Variants in HERC4 observed in about 807,000 individuals in gnomAD.
HERC4 encodes the protein HECT and RLD domain containing E3 ubiquitin protein ligase 4.
HERC4 carries 28 observed loss-of-function variants against 124.3 expected under a neutral mutation model. The ratio of observed to expected loss-of-function variants is 0.23; its 90% CI spans 0.17 to 0.31. The LOEUF is 0.31. Among genes scored for constraint, HERC4 ranks in the 10% least tolerant of loss-of-function variants. The pLI is 1.00. For synonymous variants in HERC4, 407 were observed against 421.5 expected (o/e 0.97, Z 0.42); for missense variants, 713 against 1,229.3 (o/e 0.58, Z 6.28).
At position 67,991,230 on chromosome 10, in the gene HERC4, T is replaced by C. The variant is rs150643344; in HGVS notation, c.1272-31A>G. ...AAATTTAAAAAAGTTTTTTTAATCA[T>C]AGAATCAGAAATTTAATTGTTTACC... On this transcript the variant is annotated intron_variant, in intron 11 of 24. Coordinates refer to ENST00000373700, the MANE Select transcript of HERC4 (RefSeq NM_015601.4). The C allele has an allele frequency of 9.8e-5, 123 of 1,257,850 alleles. No individual in the cohort carries two copies. The African/African-American group carries it at 1.3e-3, about 13-fold the overall frequency. 77.9% of individuals were successfully genotyped at this position (1,257,850 alleles called of 1,614,324 possible).
At chr10:67,926,512 G>A (rs1485257828) in intron 23 of HERC4, among the ~76,000 whole-genome samples, 20 of 152,092 alleles carry the variant, frequency 1.3e-4, no homozygotes, top group East Asian at 7.7e-4. Context: ...TTATCCAGCC[G>A]CAGTTGGCTT....
intron 21 of HERC4, among the ~76,000 whole-genome samples, chr10:67,938,292 T>G (rs1225897477): frequency 2.0e-5 from 3 of 151,530 alleles, no homozygotes; most frequent in Non-Finnish European, 4.4e-5. Flanking sequence ...AATACAAAAA[T>G]TAGCTGGGTA....
In HERC4 at chr10:67,970,435, T is replaced by C. The variant is rs11812970; in HGVS notation, c.1807-3633A>G. Among the ~76,000 whole-genome samples the C allele has an allele frequency of 3.3e-3, 499 of 151,640 alleles. 1 individual carries two copies. The highest frequency in any genetic ancestry group is 0.011 in the African/African-American group (474 of 41,372). On this transcript the variant is annotated intron_variant, in intron 15 of 24. Coordinates refer to ENST00000373700, the MANE Select transcript of HERC4 (RefSeq NM_015601.4). Reference sequence around the variant, plus strand: ...GGTGAAACCCTGTCCCTACTGAAAATACAAAAACTAGCTGGCCGTGGTGGC... The same window carrying C: ...GGTGAAACCCTGTCCCTACTGAAAACACAAAAACTAGCTGGCCGTGGTGGC...
intron 4 of HERC4, among the ~76,000 whole-genome samples, chr10:68,041,685 T>C (rs1203347706): frequency 1.3e-5 from 2 of 152,188 alleles, no homozygotes; most frequent in Non-Finnish European, 2.9e-5. Flanking sequence ...GAAGTCTGTG[T>C]GCAAAGTTAT....
Position 67,940,926 on chromosome 10 carries a change from T to A in HERC4, c.2504+13A>T. The A allele has an allele frequency of 6.2e-7, 1 of 1,604,902 alleles. No individual in the cohort carries two copies. The highest frequency in any genetic ancestry group is 8.5e-7 in the Non-Finnish European group (1 of 1,177,594). ...CAAACCCTACTACTTTTTGACTTTT[T>A]TTTCCAACTAACCTCCCAACATCAG... On this transcript the variant is annotated intron_variant, in intron 20 of 24. Coordinates refer to ENST00000373700, the MANE Select transcript of HERC4 (RefSeq NM_015601.4).
Position 67,956,863 on chromosome 10 carries a change from C to CA in HERC4, c.2025+14dup. 3 of 1,486,194 alleles carry CA rather than the reference C, an allele frequency of 2.0e-6. No homozygotes were observed. Among genetic ancestry groups the CA allele is most frequent in the Non-Finnish European group, 2.7e-6 (3 of 1,098,922 alleles). The allele number at this position is 1,486,194 out of a possible 1,614,324, so 92.1% of individuals were successfully genotyped here. On this transcript the variant is annotated intron_variant, in intron 17 of 24. Coordinates refer to ENST00000373700, the MANE Select transcript of HERC4 (RefSeq NM_015601.4). Reference sequence around the variant, plus strand: ...AAACAATTAAAAAAAAAAACCCTCTCAAATAATATTTTACCTGCATCTGTA... The same window carrying CA: ...AAACAATTAAAAAAAAAAACCCTCTCAAAATAATATTTTACCTGCATCTGTA...
At chr10:67,977,616 T>C (rs117633110) in intron 15 of HERC4, among the ~76,000 whole-genome samples, 1 of 152,204 alleles carries the variant, frequency 6.6e-6, no homozygotes, top group East Asian at 1.9e-4. Context: ...GGTTCTTAGA[T>C]GGCATTTCTG....
chr10:68,054,309 G>T (rs1589432968), intron 3 of HERC4, among the ~76,000 whole-genome samples: 1 of 145,522 alleles, frequency 6.9e-6, no homozygotes, highest in Admixed American at 6.8e-5. Context: ...CTTCTTCTTT[G>T]TTTTATTAAA....
chr10:68,002,158 A>G (rs550679657), intron 9 of HERC4, among the ~76,000 whole-genome samples: 4 of 150,246 alleles, frequency 2.7e-5, no homozygotes, highest in African/African-American at 9.7e-5. Context: ...AGCTTAACTG[A>G]AAAAGCCTTT....
At position 68,038,118 on chromosome 10, in the gene HERC4, G is replaced by A. The variant is rs1263922705; in HGVS notation, c.438C>T (p.Tyr146=). 1 of 1,534,594 alleles carries A rather than the reference G, an allele frequency of 6.5e-7. No homozygotes were observed. The highest frequency in any genetic ancestry group is 8.7e-7 in the Non-Finnish European group (1 of 1,143,422). Residue 146 remains tyrosine, a synonymous_variant, in exon 5 of 25, where the codon TAC becomes TAT. Transcript: ENST00000373700. ...CTTTAGAAAGTGCAAGTGAATGATA[G>A]TAACCACAAGCAACCTGTACAATCT... ...DIQIVQVACG[Y]YHSLALSKAS...
intron 15 of HERC4, among the ~76,000 whole-genome samples, chr10:67,971,998 C>T (rs1395618217): frequency 6.6e-6 from 1 of 151,076 alleles, no homozygotes; most frequent in African/African-American, 2.4e-5. Flanking sequence ...CAGATCACTA[C>T]AGTTCAGGAG....
At chr10:68,061,987 A>G (rs1430981936) in intron 3 of HERC4, among the ~76,000 whole-genome samples, 2 of 151,750 alleles carry the variant, frequency 1.3e-5, no homozygotes, top group Non-Finnish European at 2.9e-5. Flanking sequence ...CAACGGTATT[A>G]TATCACCATG....
intron 19 of HERC4, among the ~76,000 whole-genome samples, chr10:67,946,237 G>A (rs1223257812): frequency 6.7e-6 from 1 of 150,042 alleles, no homozygotes; most frequent in East Asian, 2.0e-4. Flanking sequence ...GACAGAGCAA[G>A]ACCCTATGTC....
chr10:68,024,058 T>A (rs554189565), intron 8 of HERC4, among the ~76,000 whole-genome samples: 1 of 152,094 alleles, frequency 6.6e-6, no homozygotes, highest in African/African-American at 2.4e-5. Flanking sequence ...GTAAAACATA[T>A]GCCCAATAAA....
At chr10:67,947,566 G>A (rs1226976379) in intron 19 of HERC4, among the ~76,000 whole-genome samples, 3 of 152,002 alleles carry the variant, frequency 2.0e-5, no homozygotes, top group Non-Finnish European at 4.4e-5. Context: ...GATCAATAAG[G>A]AAATAGAGAA....
intron 8 of HERC4, among the ~76,000 whole-genome samples, chr10:68,016,020 T>C (rs1484764350): frequency 6.6e-6 from 1 of 152,068 alleles, no homozygotes; most frequent in African/African-American, 2.4e-5. Context: ...GGAGGATCAC[T>C]TGAACCTGGA....
intron 9 of HERC4, chr10:67,995,200 G>A (rs1427174616): frequency 4.5e-6 from 2 of 447,690 alleles, no homozygotes; most frequent in African/African-American, 4.0e-5. Flanking sequence ...ATGGAGGCAG[G>A]AGAGTAGTTC....
intron 7 of HERC4, among the ~76,000 whole-genome samples, chr10:68,030,932 G>A (rs2039172132): frequency 6.6e-6 from 1 of 152,136 alleles, no homozygotes; most frequent in South Asian, 2.1e-4. Flanking sequence ...CCTAAGGTAG[G>A]TTTTGTACAG....
At chr10:68,061,879 TAAAAA>T (rs71470503) in intron 3 of HERC4, among the ~76,000 whole-genome samples, 50 of 54,886 alleles carry the variant, frequency 9.1e-4, no homozygotes, top group East Asian at 2.3e-3. Flanking sequence ...AGACTCCATT[TAAAAA>T]AAAAAAAAAA....
Sources: gnomAD v4.1 joint callset for allele counts (sites outside exome capture counted in the v4.1 genomes callset) on GRCh38, gnomAD v4.1.1 for gene constraint, MANE v1.5 for transcripts, NCBI Gene and HGNC (gene_info 2026-07-23, HGNC 2026-07-21) for gene names.